The following RASGRP2 variants were observed in gnomAD, a reference collection of about 807,000 sequenced individuals.
RASGRP2 encodes RAS guanyl-releasing protein 2.
In RASGRP2, 44 loss-of-function variants were observed where a neutral mutation model predicts 71.0. That is an observed-to-expected ratio of 0.62 (90% confidence interval 0.49 to 0.80). RASGRP2 has a LOEUF of 0.80. RASGRP2 is among the 30% of genes least tolerant of loss of function. The pLI is 0.00. For missense variants in RASGRP2, 663 were observed against 813.4 expected, an observed-to-expected ratio of 0.82 and a Z score of 2.25; for synonymous variants, 350 against 330.7, an observed-to-expected ratio of 1.06 and a Z score of -0.63.
chr11:64,730,473 G>A (rs1262489719), intron 12 of RASGRP2, among the ~76,000 whole-genome samples: 1 of 152,230 alleles, frequency 6.6e-6, no homozygotes, highest in Non-Finnish European at 1.5e-5. Flanking sequence ...TAAAATGACT[G>A]TGTACTTTCC....
Position 64,729,783 on chromosome 11 carries a change from T to TG in RASGRP2, c.1569dup (p.Lys524GlnfsTer24), listed in dbSNP as rs1313053995. The TG allele has an allele frequency of 6.2e-7, 1 of 1,614,050 alleles. No homozygotes were observed. The highest frequency in any genetic ancestry group is 8.5e-7 in the Non-Finnish European group (1 of 1,180,018). On this transcript the variant is annotated frameshift_variant, in exon 14 of 17. Coordinates refer to ENST00000394432, the MANE Select transcript of RASGRP2 (RefSeq NM_001098671.2). LOFTEE classifies it high-confidence loss of function. The stretch of plus-strand genomic sequence containing the variant: ...TCACCTCGGCATTTGAGGCCCTGCT[T>TG]GTAGATGCCCAGGATCTGCAATAGA...
At chr11:64,737,109 G>C in intron 8 of RASGRP2, 75 bp from the exon 9 acceptor site, 2 of 1,564,506 alleles carry the variant, frequency 1.3e-6, no homozygotes, top group African/African-American at 1.4e-5. Flanking sequence ...GTAGGAGGGG[G>C]TGAGGAGGAG....
At position 64,743,023 on chromosome 11, in the gene RASGRP2, G is replaced by GC; in HGVS notation, c.-71-87dup. On this transcript the variant is annotated intron_variant, in intron 1 of 16. Transcript: ENST00000394432. This position sits in a 1 kb window ranked among gnomAD's most constrained non-coding sequence, Gnocchi z 4.9. ...GGCAGAAACGGGGCGGGGCGGGCAC[G>GC]CCCCCTGCTGGACAGGGGCGGAGTT... The GC allele has an allele frequency of 7.1e-7, 1 of 1,399,936 alleles. No homozygotes were observed. Among genetic ancestry groups the GC allele is most frequent in the East Asian group, 2.5e-5 (1 of 39,490 alleles). The allele number at this position is 1,399,936 out of a possible 1,614,324, so 86.7% of individuals were successfully genotyped here. A position where few individuals can be genotyped will look rare whatever the true frequency, so the allele number is the denominator to read the frequency against.
intron 12 of RASGRP2, among the ~76,000 whole-genome samples, chr11:64,734,082 C>T (rs975485607): frequency 1.3e-5 from 2 of 151,812 alleles, no homozygotes; most frequent in Admixed American, 6.6e-5. Context: ...GGGGCCAAGG[C>T]AGGTAGATCA....
intron 12 of RASGRP2, among the ~76,000 whole-genome samples, chr11:64,733,853 CTTTTTTT>C (rs200730812): frequency 3.7e-5 from 5 of 135,654 alleles, no homozygotes; most frequent in Non-Finnish European, 7.7e-5. Flanking sequence ...CTTTTTTTTT[CTTTTTTT>C]TTTTTTTGAT....
chr11:64,742,247 C>G lies in RASGRP2; in HGVS notation c.74-135G>C. 2.7e-6 allele frequency: 2 copies of G among 734,850 alleles called. No individual in the cohort carries two copies. The highest frequency in any genetic ancestry group is 4.9e-6 in the Non-Finnish European group (2 of 407,314). 45.5% of individuals were successfully genotyped at this position (734,850 alleles called of 1,614,324 possible). On this transcript the variant is annotated intron_variant, in intron 2 of 16. Coordinates refer to ENST00000394432, the MANE Select transcript of RASGRP2 (RefSeq NM_001098671.2). The surrounding 1 kb of genome is among the most constrained non-coding windows in gnomAD (Gnocchi z 4.7). The stretch of plus-strand genomic sequence containing the variant: ...CCGCCCACCTCCTGCTTGCCCAGGA[C>G]TCCGAGAGCAGGAGGCAAATTAGAG...
Position 64,735,464 on chromosome 11 carries a change from A to G in RASGRP2, c.1296+78T>C. On this transcript the variant is annotated intron_variant, in intron 11 of 16. Coordinates refer to ENST00000394432, the MANE Select transcript of RASGRP2 (RefSeq NM_001098671.2). The surrounding 1 kb of genome is among the most constrained non-coding windows in gnomAD (Gnocchi z 4.2). ...CTGAGTGCTGGGTCTTGAACAGGAC[A>G]CTCGTGCTGGCTTCCAGGGCAGTGC... 6 of 1,606,916 alleles carry G rather than the reference A, an allele frequency of 3.7e-6. 1 individual carries two copies. Among genetic ancestry groups the G allele is most frequent in the South Asian group, 2.2e-5 (2 of 90,742 alleles).
chr11:64,739,917 C>T lies in RASGRP2; in HGVS notation c.522+96G>A. 6.2e-7 allele frequency: 1 copy of T among 1,607,112 alleles called. No individual in the cohort carries two copies. The highest frequency in any genetic ancestry group is 8.5e-7 in the Non-Finnish European group (1 of 1,176,066). On this transcript the variant is annotated intron_variant, in intron 6 of 16. Transcript: ENST00000394432. The surrounding 1 kb of genome is among the most constrained non-coding windows in gnomAD (Gnocchi z 4.2). ...AGTGGTTACACTGAAACCCCTGATG[C>T]ACCCTGTGACCCAGCCTACGCCAGG... is the stretch of plus-strand genomic sequence containing the variant.
rs1009862851 is a variant in RASGRP2, at chr11:64,742,957, G to A, written c.-71-20C>T. 4 of 1,519,948 alleles carry A rather than the reference G, an allele frequency of 2.6e-6. No homozygotes were observed. The highest frequency in any genetic ancestry group is 3.5e-6 in the Non-Finnish European group (4 of 1,138,498). The allele number at this position is 1,519,948 out of a possible 1,614,324, so 94.2% of individuals were successfully genotyped here. A position where few individuals can be genotyped will look rare whatever the true frequency, so the allele number is the denominator to read the frequency against. On this transcript the variant is annotated intron_variant, in intron 1 of 16. Coordinates refer to ENST00000394432, the MANE Select transcript of RASGRP2 (RefSeq NM_001098671.2). The surrounding 1 kb of genome is among the most constrained non-coding windows in gnomAD (Gnocchi z 4.7). Reference sequence around the variant, plus strand: ...GAACCCCTGTCCCGGGAGAGGCAGAGCGGGAGTCTGCGGAGTCGCGGGCGG... The same window carrying A: ...GAACCCCTGTCCCGGGAGAGGCAGAACGGGAGTCTGCGGAGTCGCGGGCGG...
Position 64,739,307 on chromosome 11 carries a change from G to A in RASGRP2, c.813+53C>T. On this transcript the variant is annotated intron_variant, in intron 8 of 16. Coordinates refer to ENST00000394432, the MANE Select transcript of RASGRP2 (RefSeq NM_001098671.2). This position sits in a 1 kb window ranked among gnomAD's most constrained non-coding sequence, Gnocchi z 4.2. ...GCCCAGCCCCCAGTGCTGCTGGGAG[G>A]ACCCAGTGAAGACAGACCTGGGAAG... The A allele has an allele frequency of 7.3e-7, 1 of 1,364,912 alleles. No homozygotes were observed. The highest frequency in any genetic ancestry group is 1.2e-5 in the South Asian group (1 of 85,890). 84.6% of individuals were successfully genotyped at this position (1,364,912 alleles called of 1,614,324 possible). A position where few individuals can be genotyped will look rare whatever the true frequency, so the allele number is the denominator to read the frequency against.
chr11:64,729,329 G>A (rs771339250), intron 14 of RASGRP2, among the ~76,000 whole-genome samples: 2 of 104,072 alleles, frequency 1.9e-5, no homozygotes, highest in Non-Finnish European at 3.8e-5. Flanking sequence ...TTTTGGTTTT[G>A]GGGGTTTTTT....
chr11:64,727,421 TCC>T, intron 15 of RASGRP2, 61 bp from the exon 16 acceptor site: 1 of 1,526,550 alleles, frequency 6.6e-7, no homozygotes, highest in Non-Finnish European at 9.0e-7. Flanking sequence ...CATCAACCCT[TCC>T]CCTCTCCACG....
At chr11:64,744,377 G>A, upstream of RASGRP2, 2 of 960,094 alleles carry the variant, frequency 2.1e-6, no homozygotes, top group Middle Eastern at 1.1e-3. Context: ...GGAGTTCTCA[G>A]GCGGACTTTT....
At chr11:64,738,064 G>C (rs1207089496) in intron 8 of RASGRP2, among the ~76,000 whole-genome samples, 1 of 151,930 alleles carries the variant, frequency 6.6e-6, no homozygotes, top group Non-Finnish European at 1.5e-5. Context: ...ATAAATAAAT[G>C]AATTGGGGTA....
At position 64,739,173 on chromosome 11, in the gene RASGRP2, C is replaced by T. The variant is rs1025487694; in HGVS notation, c.813+187G>A. Reference sequence around the variant, plus strand: ...AAAAAAAAAGTACTAGCTTTGGGGTCCCTGACGACCTGTGAGCCCCCACTC... The same window carrying T: ...AAAAAAAAAGTACTAGCTTTGGGGTTCCTGACGACCTGTGAGCCCCCACTC... On this transcript the variant is annotated intron_variant, in intron 8 of 16. Coordinates refer to ENST00000394432, the MANE Select transcript of RASGRP2 (RefSeq NM_001098671.2). The surrounding 1 kb of genome is among the most constrained non-coding windows in gnomAD (Gnocchi z 4.2). Among the ~76,000 whole-genome samples the T allele has an allele frequency of 6.6e-6, 1 of 151,830 alleles. No homozygotes were observed. Among genetic ancestry groups the T allele is most frequent in the African/African-American group, 2.4e-5 (1 of 41,286 alleles).
intron 8 of RASGRP2, 134 bp from the exon 9 acceptor site, chr11:64,737,168 C>A (rs563988839): frequency 3.8e-6 from 4 of 1,047,862 alleles, no homozygotes; most frequent in Non-Finnish European, 5.7e-6. Context: ...TACTGTCCCC[C>A]ACGACTGGCT....
intron 12 of RASGRP2, among the ~76,000 whole-genome samples, chr11:64,731,524 A>C (rs1295325282): frequency 6.6e-6 from 1 of 152,208 alleles, no homozygotes; most frequent in Non-Finnish European, 1.5e-5. Context: ...TAAATGACAG[A>C]CAGGGAGAAA....
At chr11:64,729,419 C>T (rs1239942005) in intron 14 of RASGRP2, among the ~76,000 whole-genome samples, 1 of 151,350 alleles carries the variant, frequency 6.6e-6, no homozygotes, top group African/African-American at 2.4e-5. Flanking sequence ...TCACTGCAAA[C>T]CCCGCCTCCC....
intron 3 of RASGRP2, 61 bp downstream of exon 3, chr11:64,741,949 G>A: frequency 1.4e-6 from 2 of 1,403,362 alleles, no homozygotes; most frequent in Non-Finnish European, 2.0e-6. Context: ...ACCTGGGCTG[G>A]GCAGAGGGGC....
Sources: gnomAD v4.1 joint callset for allele counts (sites outside exome capture counted in the v4.1 genomes callset) on GRCh38, gnomAD v4.1.1 for gene constraint, Gnocchi (gnomAD v3.1) non-coding constraint, MANE v1.5 for transcripts, NCBI Gene and HGNC (gene_info 2026-07-23, HGNC 2026-07-21) for gene names.